EMC2: variants seen among roughly 807,000 people sequenced by gnomAD.
EMC2 encodes the protein ER membrane protein complex subunit 2, also known as TPR repeat protein 35.
EMC2 carries 37 observed loss-of-function variants against 51.6 expected under a neutral mutation model. The observed-to-expected ratio is 0.72, with a 90% CI of 0.55 to 0.94. The LOEUF is 0.94. EMC2 is among the 40% of genes least tolerant of loss of function. The pLI, the probability that EMC2 is intolerant of heterozygous loss-of-function variation, is 0.00. For missense variants in EMC2, 359 were observed against 350.9 expected, an observed-to-expected ratio of 1.02 and a Z score of -0.18; for synonymous variants, 131 against 112.4, an observed-to-expected ratio of 1.17 and a Z score of -1.04.
chr8:108,475,286 A>T (rs1292431996), intron 7 of EMC2: 1 of 151,924 alleles, frequency 6.6e-6, no homozygotes, highest in African/African-American at 2.4e-5. Context: ...TTCTACCACA[A>T]GATTAAATAA....
Position 108,478,880 on chromosome 8 carries a change from A to G in EMC2, c.703-126A>G, listed in dbSNP as rs144011663. ...TAATATTCAACTTTATGTTTATATT[A>G]AAAATTATTTTAATACAGTTTTTAA... On this transcript the variant is annotated intron_variant, in intron 9 of 10. Transcript: ENST00000220853. The G allele has an allele frequency of 3.8e-3, 1,485 of 395,278 alleles. 17 individuals carry two copies. The highest frequency in any genetic ancestry group is 0.028 in the African/African-American group (1,346 of 48,330). 24.5% of individuals were successfully genotyped at this position (395,278 alleles called of 1,614,324 possible). A position where few individuals can be genotyped will look rare whatever the true frequency, so the allele number is the denominator to read the frequency against.
At chr8:108,457,212 G>C (rs1819187354) in intron 5 of EMC2, among the ~76,000 whole-genome samples, 2 of 152,044 alleles carry the variant, frequency 1.3e-5, no homozygotes, top group African/African-American at 4.8e-5. Flanking sequence ...TTAAATGATA[G>C]TTGCTTACTT....
At chr8:108,459,759 T>TGTGA (rs1563694674) in intron 5 of EMC2, among the ~76,000 whole-genome samples, 2 of 151,738 alleles carry the variant, frequency 1.3e-5, no homozygotes, top group African/African-American at 4.9e-5. Flanking sequence ...TGTGTGATTG[T>TGTGA]TTTGTTCTAG....
chr8:108,475,762 AATTAT>A, intron 7 of EMC2, 115 bp from the exon 8 acceptor site: 1 of 569,908 alleles, frequency 1.8e-6, no homozygotes, highest in East Asian at 3.3e-5. Context: ...AAGCTATGTA[AATTAT>A]ATTGGGAATA....
At chr8:108,477,388 G>A (rs949711011) in intron 9 of EMC2, among the ~76,000 whole-genome samples, 1 of 151,988 alleles carries the variant, frequency 6.6e-6, no homozygotes. Flanking sequence ...CAAATGCTGA[G>A]CTTAGAAAAG....
intron 3 of EMC2, among the ~76,000 whole-genome samples, chr8:108,452,447 G>A (rs1490084881): frequency 6.6e-6 from 1 of 152,070 alleles, no homozygotes; most frequent in Non-Finnish European, 1.5e-5. Flanking sequence ...GGCGCCTGTA[G>A]TCCGAGCTAC....
intron 7 of EMC2, 94 bp from the exon 8 acceptor site, chr8:108,475,788 C>A: frequency 1.5e-6 from 1 of 649,742 alleles, no homozygotes; most frequent in Non-Finnish European, 2.7e-6. Context: ...AATTGTTTAA[C>A]ATGACTAAAG....
In EMC2 at chr8:108,488,207, C is replaced by T. The variant is rs1300346352; in HGVS notation, c.*1609C>T. On this transcript the variant is annotated 3_prime_UTR_variant, in exon 11 of 11. Transcript: ENST00000220853. ...TTTGAGACAGTCTCGTTCTGTCACCCAGGCTGGAGTGCAGTGACGTGATCG... is the reference window on the plus strand; with the variant it reads ...TTTGAGACAGTCTCGTTCTGTCACCTAGGCTGGAGTGCAGTGACGTGATCG... Among the ~76,000 whole-genome samples the T allele has an allele frequency of 3.3e-5, 5 of 149,948 alleles. No homozygotes were observed. Among genetic ancestry groups the T allele is most frequent in the Non-Finnish European group, 7.4e-5 (5 of 67,812 alleles).
At chr8:108,452,598 A>G (rs1023423695) in intron 3 of EMC2, among the ~76,000 whole-genome samples, 1 of 152,152 alleles carries the variant, frequency 6.6e-6, no homozygotes, top group African/African-American at 2.4e-5. Flanking sequence ...GCTGATTAAT[A>G]TAAAATTTCA....
chr8:108,457,472 G>A (rs1002482093), intron 5 of EMC2, among the ~76,000 whole-genome samples: 4 of 151,942 alleles, frequency 2.6e-5, no homozygotes, highest in African/African-American at 9.7e-5. Flanking sequence ...AAAGAAAAAG[G>A]TTTATTGGAC....
chr8:108,470,204 T>G (rs1030613148), intron 7 of EMC2, 83 bp downstream of exon 7: 4 of 859,966 alleles, frequency 4.7e-6, no homozygotes, highest in Non-Finnish European at 7.7e-6. Flanking sequence ...TCCAAAGGAT[T>G]GGTGAGAGGG....
chr8:108,452,373 G>A (rs1819048746), intron 3 of EMC2, among the ~76,000 whole-genome samples: 1 of 152,024 alleles, frequency 6.6e-6, no homozygotes, highest in African/African-American at 2.4e-5. Context: ...TCGCGACCAG[G>A]CTGGCCAACA....
chr8:108,457,331 C>CGTGTGTGT lies in EMC2; in HGVS notation c.363+1436_363+1443dup, dbSNP rs56319322. Among the ~76,000 whole-genome samples the CGTGTGTGT allele has an allele frequency of 3.2e-3, 415 of 128,056 alleles. 2 individuals are homozygous for CGTGTGTGT. Among genetic ancestry groups the CGTGTGTGT allele is most frequent in the African/African-American group, 9.7e-3 (347 of 35,794 alleles). The allele number at this position is 128,056 out of a possible 152,430, so 84.0% of individuals were successfully genotyped here. A position where few individuals can be genotyped will look rare whatever the true frequency, so the allele number is the denominator to read the frequency against. On this transcript the variant is annotated intron_variant, in intron 5 of 10. Coordinates refer to ENST00000220853, the MANE Select transcript of EMC2 (RefSeq NM_014673.5). ...TTGTGTAGGGATGTGCGTGTGTGTG[C>CGTGTGTGT]GTGTGTGTGTGTGTGTGTGTGTGTG...
chr8:108,462,644 A>G (rs534286955), intron 5 of EMC2, among the ~76,000 whole-genome samples: 1 of 152,172 alleles, frequency 6.6e-6, no homozygotes, highest in Non-Finnish European at 1.5e-5. Flanking sequence ...GTGGTATATT[A>G]TCAGCTTTTT....
rs1267860756 is a variant in EMC2 at position 108,488,984 on chromosome 8, C to T, written c.*2386C>T. Among the ~76,000 whole-genome samples the T allele has an allele frequency of 6.6e-6, 1 of 152,130 alleles. No homozygotes were observed. Among genetic ancestry groups the T allele is most frequent in the Admixed American group, 6.5e-5 (1 of 15,276 alleles). Reference sequence around the variant, plus strand: ...ATTGCCTCTTTCTCCTCTTTCTGGCCAACAGCATGCCTAAAGGTGCAGCTG... The same window carrying T: ...ATTGCCTCTTTCTCCTCTTTCTGGCTAACAGCATGCCTAAAGGTGCAGCTG... On this transcript the variant is annotated 3_prime_UTR_variant, in exon 11 of 11. Coordinates refer to ENST00000220853, the MANE Select transcript of EMC2 (RefSeq NM_014673.5).
In EMC2 at chr8:108,488,993, G is replaced by A. The variant is rs1306331620; in HGVS notation, c.*2395G>A. ...TTCTCCTCTTTCTGGCCAACAGCAT[G>A]CCTAAAGGTGCAGCTGCCATCAAAC... On this transcript the variant is annotated 3_prime_UTR_variant, in exon 11 of 11. Coordinates refer to ENST00000220853, the MANE Select transcript of EMC2 (RefSeq NM_014673.5). Among the ~76,000 whole-genome samples the A allele has an allele frequency of 6.6e-6, 1 of 152,128 alleles. No individual in the cohort carries two copies. The highest frequency in any genetic ancestry group is 1.5e-5 in the Non-Finnish European group (1 of 68,020).
At chr8:108,467,444 G>A (rs939266998) in intron 5 of EMC2, among the ~76,000 whole-genome samples, 2 of 152,058 alleles carry the variant, frequency 1.3e-5, no homozygotes, top group South Asian at 2.1e-4. Context: ...CACCTCCCGG[G>A]TTCAGTTGAT....
intron 3 of EMC2, among the ~76,000 whole-genome samples, chr8:108,451,080 C>T (rs561315715): frequency 1.2e-4 from 19 of 152,028 alleles, no homozygotes; most frequent in African/African-American, 4.3e-4. Flanking sequence ...GAGCGTGCCT[C>T]TAGTCCCAGC....
rs968882696 is a variant in EMC2 at position 108,452,262 on chromosome 8, G to A, written c.220-800G>A. On this transcript the variant is annotated intron_variant, in intron 3 of 10. Coordinates refer to ENST00000220853, the MANE Select transcript of EMC2 (RefSeq NM_014673.5). ...ATTTTCTGACCCCAAATCAGGATATGTTGATTGAAAGGATGATTGATTGGC... is the reference window on the plus strand; with the variant it reads ...ATTTTCTGACCCCAAATCAGGATATATTGATTGAAAGGATGATTGATTGGC... 2.6e-5 allele frequency among the ~76,000 whole-genome samples: 4 copies of A among 152,170 alleles called. No individual in the cohort carries two copies. The South Asian group carries it at 8.3e-4, about 31-fold the overall frequency.
Sources: gnomAD v4.1 joint callset for allele counts (sites outside exome capture counted in the v4.1 genomes callset) on GRCh38, gnomAD v4.1.1 for gene constraint, MANE v1.5 for transcripts, NCBI Gene and HGNC (gene_info 2026-07-23, HGNC 2026-07-21) for gene names.